Variants in PRIM2 observed in about 807,000 individuals in gnomAD.
The protein encoded by PRIM2 is DNA primase large subunit.
In PRIM2, 39 loss-of-function variants were observed where a neutral mutation model predicts 67.3. The ratio of observed to expected loss-of-function variants is 0.58; its 90% CI spans 0.45 to 0.76. The LOEUF (loss-of-function observed/expected upper bound fraction) is 0.76, where lower values mean the gene tolerates loss of function less well. PRIM2 is among the 30% of genes least tolerant of loss of function. The probability of loss-of-function intolerance (pLI) is 0.00; values close to 1 mark genes in which losing one functional copy is unlikely to be tolerated. For missense variants in PRIM2, 398 were observed against 598.7 expected (o/e 0.66, Z 3.50); for synonymous variants, 143 against 198.7 (o/e 0.72, Z 2.36).
intron 7 of PRIM2, among the ~76,000 whole-genome samples, chr6:57,387,824 A>C (rs1420817929): frequency 2.0e-5 from 3 of 151,326 alleles, no homozygotes; most frequent in Non-Finnish European, 4.4e-5. Context: ...TGGGTACTAG[A>C]GATACTACTT....
chr6:57,272,528 A>T, the PRIM2 span, among the ~76,000 whole-genome samples: 2 of 152,256 alleles, frequency 1.3e-5, no homozygotes, highest in South Asian at 4.2e-4. Context: ...GTCTCTACAC[A>T]TGAGATGGGT....
intron 7 of PRIM2, among the ~76,000 whole-genome samples, chr6:57,477,856 T>C (rs1475700941): frequency 6.6e-6 from 1 of 152,202 alleles, no homozygotes; most frequent in Non-Finnish European, 1.5e-5. Flanking sequence ...TAAAAAGTAT[T>C]ATAACCCCTA....
At position 57,430,447 on chromosome 6, in the gene PRIM2, GTTTTTTTTT is replaced by G. The variant is rs71687266; in HGVS notation, c.693+48295_693+48303del. ...GCTTTGTATAGGAGTTTCTTTCTTT[GTTTTTTTTT>G]TTTTTTTTTTTTTTTGAGATGGAGT... is the stretch of plus-strand genomic sequence containing the variant. On this transcript the variant is annotated intron_variant, in intron 7 of 13. Transcript: ENST00000615550. Among the ~76,000 whole-genome samples the G allele has an allele frequency of 2.7e-3, 209 of 78,172 alleles. 1 individual carries two copies. Among genetic ancestry groups the G allele is most frequent in the African/African-American group, 7.7e-3 (190 of 24,580 alleles). 51.3% of individuals were successfully genotyped at this position (78,172 alleles called of 152,430 possible). A position where few individuals can be genotyped will look rare whatever the true frequency, so the allele number is the denominator to read the frequency against.
intron 10 of PRIM2, among the ~76,000 whole-genome samples, chr6:57,545,022 C>G (rs1276389856): frequency 6.6e-6 from 1 of 152,086 alleles, no homozygotes; most frequent in Non-Finnish European, 1.5e-5. Flanking sequence ...TTAGATAGAG[C>G]TGTTTCTAAC....
intron 8 of PRIM2, among the ~76,000 whole-genome samples, chr6:57,513,068 G>A (rs1216994033): frequency 1.3e-5 from 2 of 152,166 alleles, no homozygotes; most frequent in East Asian, 3.9e-4. Flanking sequence ...ATAAAGTTTA[G>A]AGAGAATTTG....
intron 5 of PRIM2, among the ~76,000 whole-genome samples, chr6:57,339,791 C>T (rs1480043069): frequency 6.6e-6 from 1 of 152,166 alleles, no homozygotes; most frequent in East Asian, 1.9e-4. Context: ...AGGACATAGG[C>T]ATGGGCAAGG....
chr6:57,519,754 G>A (rs1368200691), intron 8 of PRIM2, among the ~76,000 whole-genome samples: 1 of 152,108 alleles, frequency 6.6e-6, no homozygotes, highest in Non-Finnish European at 1.5e-5. Flanking sequence ...AAATCACAAG[G>A]GTATTGATTG....
At chr6:57,401,704 C>T (rs940289358) in intron 7 of PRIM2, among the ~76,000 whole-genome samples, 2 of 152,162 alleles carry the variant, frequency 1.3e-5, no homozygotes, top group South Asian at 2.1e-4. Context: ...GGGGGCTCCA[C>T]TCCAGAGACG....
At chr6:57,630,389 A>T (rs1476484146) in intron 12 of PRIM2, among the ~76,000 whole-genome samples, 1 of 152,060 alleles carries the variant, frequency 6.6e-6, no homozygotes, top group South Asian at 2.1e-4. Flanking sequence ...ATTTAAATTT[A>T]ATTTTTTTAT....
intron 7 of PRIM2, among the ~76,000 whole-genome samples, chr6:57,501,996 C>G (rs1429493847): frequency 6.6e-6 from 1 of 152,082 alleles, no homozygotes; most frequent in African/African-American, 2.4e-5. Flanking sequence ...GCCAATATTT[C>G]TGCTTTATTT....
At chr6:57,611,767 A>G (rs2127494434) in intron 12 of PRIM2, among the ~76,000 whole-genome samples, 1 of 152,266 alleles carries the variant, frequency 6.6e-6, no homozygotes, top group South Asian at 2.1e-4. Context: ...CTTTACCAAA[A>G]TTAAAAATTT....
At chr6:57,427,756 A>T (rs1476300082) in intron 7 of PRIM2, among the ~76,000 whole-genome samples, 1 of 152,190 alleles carries the variant, frequency 6.6e-6, no homozygotes, top group Non-Finnish European at 1.5e-5. Flanking sequence ...AGGATGATGA[A>T]TTAAGGGACC....
chr6:57,229,183 C>A, the PRIM2 span, among the ~76,000 whole-genome samples: 1 of 152,070 alleles, frequency 6.6e-6, no homozygotes, highest in Non-Finnish European at 1.5e-5. Flanking sequence ...TGCCTCTAAC[C>A]CATTCTATTT....
At chr6:57,327,220 G>A (rs1404836509) in intron 5 of PRIM2, among the ~76,000 whole-genome samples, 1 of 152,048 alleles carries the variant, frequency 6.6e-6, no homozygotes, top group Non-Finnish European at 1.5e-5. Flanking sequence ...ATGTCTTTTA[G>A]GTAGATATAT....
At chr6:57,245,538 C>T in the PRIM2 span, among the ~76,000 whole-genome samples, 5 of 152,290 alleles carry the variant, frequency 3.3e-5, no homozygotes, top group African/African-American at 7.2e-5. Context: ...TCCACTTAGG[C>T]CTTGCTGTCT....
At chr6:57,339,268 C>T (rs370195787) in intron 5 of PRIM2, among the ~76,000 whole-genome samples, 16 of 152,202 alleles carry the variant, frequency 1.1e-4, no homozygotes, top group African/African-American at 1.9e-4. Context: ...ATCGTGAAAA[C>T]GGCCATACTG....
rs141680833 is a variant in PRIM2 at position 57,418,663 on chromosome 6, G to A, written c.693+36495G>A. Among the ~76,000 whole-genome samples the A allele has an allele frequency of 1.3e-3, 192 of 152,042 alleles. 5 individuals carry two copies. In the East Asian group the frequency reaches 0.016, roughly 13 times the overall value. On this transcript the variant is annotated intron_variant, in intron 7 of 13. Coordinates refer to ENST00000615550, the MANE Select transcript of PRIM2 (RefSeq NM_000947.5). ...GATCCACCCGCCTCGGCCTCCCAAA[G>A]TGCTGGGATTACAAGCATGAACCAC...
intron 7 of PRIM2, among the ~76,000 whole-genome samples, chr6:57,456,221 G>T (rs200260833): frequency 3.3e-5 from 5 of 151,680 alleles, no homozygotes; most frequent in African/African-American, 4.8e-5. Flanking sequence ...CCTTAACATT[G>T]TTTCCTTCAT....
At chr6:57,607,046 A>T (rs1304174426) in intron 12 of PRIM2, among the ~76,000 whole-genome samples, 1 of 152,236 alleles carries the variant, frequency 6.6e-6, no homozygotes, top group East Asian at 1.9e-4. Flanking sequence ...ATATTGTGAC[A>T]TAGCAAAGAC....
Sources: gnomAD v4.1 joint callset for allele counts (sites outside exome capture counted in the v4.1 genomes callset) on GRCh38, gnomAD v4.1.1 for gene constraint, MANE v1.5 for transcripts, NCBI Gene and HGNC (gene_info 2026-07-23, HGNC 2026-07-21) for gene names.